Variants in MEF2A observed in about 807,000 individuals in gnomAD.
MEF2A encodes myocyte-specific enhancer factor 2A.
In MEF2A, 28 loss-of-function variants were observed where a neutral mutation model predicts 55.8. The ratio of observed to expected loss-of-function variants is 0.50; its 90% confidence interval spans 0.37 to 0.69. MEF2A has a LOEUF of 0.69. Ranked by LOEUF, MEF2A falls within the 30% of genes least tolerant of loss-of-function variation. MEF2A has a pLI of 0.00. For missense variants in MEF2A, 528 were observed against 626.2 expected (o/e 0.84, Z 1.67); for synonymous variants, 239 against 227.1 (o/e 1.05, Z -0.47).
chr15:99,680,415 T>C (rs551085783), intron 7 of MEF2A, among the ~76,000 whole-genome samples: 59 of 152,342 alleles, frequency 3.9e-4, no homozygotes, highest in African/African-American at 1.3e-3. Context: ...TATTCAGTGC[T>C]AATGAAGGCA....
At chr15:99,633,218 T>A in intron 3 of MEF2A, 45 bp downstream of exon 3, 12 of 1,363,598 alleles carry the variant, frequency 8.8e-6, no homozygotes, top group Non-Finnish European at 1.2e-5. Context: ...AATATTCTTT[T>A]AAAAAAAGAA....
chr15:99,626,508 T>C (rs1307858902), intron 2 of MEF2A, among the ~76,000 whole-genome samples: 2 of 152,204 alleles, frequency 1.3e-5, no homozygotes, highest in Admixed American at 6.5e-5. Flanking sequence ...TGCTTTCTGC[T>C]AGCTTTGAGT....
intron 1 of MEF2A, among the ~76,000 whole-genome samples, chr15:99,571,164 A>G (rs1454887452): frequency 4.0e-5 from 6 of 151,314 alleles, no homozygotes; most frequent in African/African-American, 1.5e-4. Flanking sequence ...AGCCTGGGTG[A>G]TAGAATGAGA....
chr15:99,666,814 A>T (rs192863016), intron 4 of MEF2A, among the ~76,000 whole-genome samples: 220 of 152,188 alleles, frequency 1.4e-3, no homozygotes, highest in Admixed American at 5.2e-3. Context: ...CTCTTCCTCC[A>T]CCAGCTTGAA....
chr15:99,704,297 C>T (rs1397998034), intron 9 of MEF2A, among the ~76,000 whole-genome samples: 4 of 152,242 alleles, frequency 2.6e-5, no homozygotes, highest in Non-Finnish European at 4.4e-5. Context: ...CCTTAAAATA[C>T]GAGATTGTTC....
At position 99,659,268 on chromosome 15, in the gene MEF2A, TG is replaced by T. The variant is rs1322539335; in HGVS notation, c.259-12049del. ...ACAAGGGCCTCAAAACTGTTGGGAT[TG>T]GGGGGTGGGGCAGGTAGGGAATCTT... On this transcript the variant is annotated intron_variant, in intron 4 of 11. Coordinates refer to ENST00000557942, the MANE Select transcript of MEF2A (RefSeq NM_001319206.4). 3.3e-5 allele frequency among the ~76,000 whole-genome samples: 5 copies of T among 152,090 alleles called. 1 individual carries two copies. Among genetic ancestry groups the T allele is most frequent in the African/African-American group, 1.2e-4 (5 of 41,478 alleles).
chr15:99,668,135 A>G (rs1220824917), intron 4 of MEF2A, among the ~76,000 whole-genome samples: 1 of 152,242 alleles, frequency 6.6e-6, no homozygotes, highest in African/African-American at 2.4e-5. Flanking sequence ...GTTTCTAACA[A>G]GTGCTTAACT....
chr15:99,666,578 TATAATAATAATA>T lies in MEF2A; in HGVS notation c.259-4722_259-4711del, dbSNP rs55855939. Among the ~76,000 whole-genome samples, 19 of 141,256 alleles carry T rather than the reference TATAATAATAATA, an allele frequency of 1.3e-4. No homozygotes were observed. The South Asian group carries it at 2.8e-3, about 21-fold the overall frequency. The allele number at this position is 141,256 out of a possible 152,430, so 92.7% of individuals were successfully genotyped here. A position where few individuals can be genotyped will look rare whatever the true frequency, so the allele number is the denominator to read the frequency against. On this transcript the variant is annotated intron_variant, in intron 4 of 11. Coordinates refer to ENST00000557942, the MANE Select transcript of MEF2A (RefSeq NM_001319206.4). ...TGCACATGTATCCCAGAACTTAAAG[TATAATAATAATA>T]ATAATAATAATAATAATAATAAAAA...
chr15:99,714,484 T>C lies in MEF2A; in HGVS notation c.*1713T>C, dbSNP rs532413931. On this transcript the variant is annotated 3_prime_UTR_variant, in exon 12 of 12. Coordinates refer to ENST00000557942, the MANE Select transcript of MEF2A (RefSeq NM_001319206.4). ...TCAGCTCTTCTGCACATTGCAGTGA[T>C]GCTTTGGTATGCGGGGAGAAACACT... 2 of 152,322 alleles carry C rather than the reference T, an allele frequency of 1.3e-5. No homozygotes were observed. The highest frequency in any genetic ancestry group is 3.9e-4 in the East Asian group (2 of 5,182). The allele number at this position is 152,322 out of a possible 1,614,324, so 9.4% of individuals were successfully genotyped here. A position where few individuals can be genotyped will look rare whatever the true frequency, so the allele number is the denominator to read the frequency against.
At chr15:99,654,265 T>C (rs965679397) in intron 4 of MEF2A, among the ~76,000 whole-genome samples, 5 of 152,154 alleles carry the variant, frequency 3.3e-5, no homozygotes, top group African/African-American at 1.2e-4. Flanking sequence ...AAAGTAGATA[T>C]CTGTATTTAA....
intron 2 of MEF2A, among the ~76,000 whole-genome samples, chr15:99,603,673 TTACA>T (rs1250156445): frequency 3.3e-5 from 5 of 151,972 alleles, no homozygotes; most frequent in African/African-American, 1.2e-4. Context: ...AGTGCTGGGA[TTACA>T]GGTGTGAGCC....
chr15:99,599,044 A>G (rs985156190), intron 2 of MEF2A, among the ~76,000 whole-genome samples: 1 of 152,138 alleles, frequency 6.6e-6, no homozygotes, highest in African/African-American at 2.4e-5. Flanking sequence ...TAATGGGTTC[A>G]TATTTGCAAA....
intron 3 of MEF2A, among the ~76,000 whole-genome samples, chr15:99,642,494 A>G (rs980852233): frequency 6.6e-6 from 1 of 150,800 alleles, no homozygotes; most frequent in African/African-American, 2.4e-5. Context: ...TGATTCTTTG[A>G]TTTTCATTAT....
At chr15:99,570,739 T>A (rs1393575216) in intron 1 of MEF2A, among the ~76,000 whole-genome samples, 1 of 152,134 alleles carries the variant, frequency 6.6e-6, no homozygotes, top group Non-Finnish European at 1.5e-5. Context: ...CATCCTTAGC[T>A]GTCCATCTTC....
At chr15:99,640,559 CTTTTTTT>C (rs561916381) in intron 3 of MEF2A, among the ~76,000 whole-genome samples, 3 of 133,958 alleles carry the variant, frequency 2.2e-5, no homozygotes, top group African/African-American at 8.2e-5. Context: ...TCTTTCTTTT[CTTTTTTT>C]TTTTTTTTGA....
intron 9 of MEF2A, among the ~76,000 whole-genome samples, chr15:99,705,781 T>G (rs1380848308): frequency 3.9e-5 from 6 of 152,224 alleles, no homozygotes; most frequent in African/African-American, 1.4e-4. Context: ...CTTTACTGAT[T>G]TGGCTCAGAC....
chr15:99,716,366 C>G lies in MEF2A; in HGVS notation c.*3595C>G. Reference sequence around the variant, plus strand: ...ATTTTTCCCTGAATGTGTTGTTTTTCTTCATTATACAATAAATATAATAGT... The same window carrying G: ...ATTTTTCCCTGAATGTGTTGTTTTTGTTCATTATACAATAAATATAATAGT... On this transcript the variant is annotated 3_prime_UTR_variant, in exon 12 of 12. Coordinates refer to ENST00000557942, the MANE Select transcript of MEF2A (RefSeq NM_001319206.4). The G allele has an allele frequency of 2.8e-6, 1 of 357,276 alleles. No homozygotes were observed. The highest frequency in any genetic ancestry group is 2.1e-5 in the South Asian group (1 of 47,616). The allele number at this position is 357,276 out of a possible 1,614,324, so 22.1% of individuals were successfully genotyped here.
At position 99,706,782 on chromosome 15, in the gene MEF2A, C is replaced by A; in HGVS notation, c.936C>A (p.Val312=). Residue 312 remains valine, a synonymous_variant, in exon 10 of 12, where the codon GTC becomes GTA. Transcript: ENST00000557942. The part of the protein sequence containing the change: ...SQATQPLATP[V]VSVTTPSLPP... ...CCACTCAACCTCTTGCTACCCCAGTCGTGTCTGTGACAACCCCAAGCTTGC... is the reference window on the plus strand; with the variant it reads ...CCACTCAACCTCTTGCTACCCCAGTAGTGTCTGTGACAACCCCAAGCTTGC... 1.2e-6 allele frequency: 2 copies of A among 1,613,960 alleles called. No homozygotes were observed. Among genetic ancestry groups the A allele is most frequent in the Non-Finnish European group, 1.7e-6 (2 of 1,179,838 alleles).
chr15:99,602,987 C>G (rs1195859381), intron 2 of MEF2A, among the ~76,000 whole-genome samples: 2 of 151,990 alleles, frequency 1.3e-5, no homozygotes, highest in Non-Finnish European at 2.9e-5. Flanking sequence ...TTTATTGGCA[C>G]GAAGTTGTAT....
Sources: allele counts gnomAD v4.1 joint callset (sites outside exome capture counted in the v4.1 genomes callset), GRCh38; gene constraint gnomAD v4.1.1; transcripts MANE v1.5; gene names NCBI Gene and HGNC (gene_info 2026-07-23, HGNC 2026-07-21).